Variants in PCDH9 observed in about 807,000 individuals in gnomAD.
PCDH9 encodes the protein protocadherin-9.
In PCDH9, 24 loss-of-function variants were observed where a neutral mutation model predicts 70.6. The observed-to-expected ratio is 0.34, with a 90% CI of 0.25 to 0.48. The LOEUF (loss-of-function observed/expected upper bound fraction) is 0.48. Among genes scored for constraint, PCDH9 ranks in the 20% least tolerant of loss-of-function variants. The probability of loss-of-function intolerance (pLI) is 0.99; values close to 1 mark genes in which losing one functional copy is unlikely to be tolerated. For synonymous variants in PCDH9, 562 were observed against 558.5 expected (o/e 1.01, Z -0.09); for missense variants, 1,281 against 1,503.6 (o/e 0.85, Z 2.45).
intron 3 of PCDH9, among the ~76,000 whole-genome samples, chr13:66,712,766 A>T (rs987820961): frequency 6.6e-6 from 1 of 152,142 alleles, no homozygotes; most frequent in Admixed American, 6.5e-5. Context: ...TTTCTAGTAC[A>T]TTATAACAAT....
At chr13:67,098,535 T>C (rs976001017) in intron 2 of PCDH9, among the ~76,000 whole-genome samples, 1 of 152,162 alleles carries the variant, frequency 6.6e-6, no homozygotes, top group Non-Finnish European at 1.5e-5. Context: ...TTAAGTTCTT[T>C]AGCTAAATCC....
At chr13:66,374,313 T>C (rs73205666) in intron 4 of PCDH9, among the ~76,000 whole-genome samples, 25 of 152,024 alleles carry the variant, frequency 1.6e-4, no homozygotes, top group Non-Finnish European at 3.4e-4. Flanking sequence ...GAGGAAGGAA[T>C]GGGAAGAGAA....
intron 4 of PCDH9, among the ~76,000 whole-genome samples, chr13:66,371,501 G>A (rs531933217): frequency 9.2e-5 from 14 of 152,134 alleles, no homozygotes; most frequent in African/African-American, 3.4e-4. Flanking sequence ...CTTTGTTGGA[G>A]GGGTATGTAT....
intron 2 of PCDH9, chr13:67,214,684 T>G (rs967552544): frequency 6.6e-5 from 10 of 151,926 alleles, no homozygotes; most frequent in African/African-American, 2.2e-4. Flanking sequence ...GAGATACTGT[T>G]ATGAAGATCA....
At chr13:66,608,525 C>T (rs993622865) in intron 4 of PCDH9, among the ~76,000 whole-genome samples, 1 of 151,944 alleles carries the variant, frequency 6.6e-6, no homozygotes, top group African/African-American at 2.4e-5. Flanking sequence ...GTTCCAGATG[C>T]TTGGAATAAG....
chr13:67,211,082 T>C (rs2089458584), intron 2 of PCDH9: 1 of 152,010 alleles, frequency 6.6e-6, no homozygotes, highest in Non-Finnish European at 1.5e-5. Flanking sequence ...AAACTGTTCA[T>C]ATTTTCATAG....
intron 2 of PCDH9, among the ~76,000 whole-genome samples, chr13:67,131,481 T>C (rs2087110090): frequency 6.6e-6 from 1 of 152,206 alleles, no homozygotes; most frequent in Non-Finnish European, 1.5e-5. Flanking sequence ...ATAGAAAATC[T>C]CCTAATTTTT....
intron 3 of PCDH9, among the ~76,000 whole-genome samples, chr13:66,656,431 C>T (rs2077930333): frequency 6.6e-6 from 1 of 152,092 alleles, no homozygotes; most frequent in African/African-American, 2.4e-5. Flanking sequence ...TCTTCTCATT[C>T]AGGTTACTCT....
chr13:66,473,531 C>T (rs1053549330), intron 4 of PCDH9, among the ~76,000 whole-genome samples: 1 of 151,958 alleles, frequency 6.6e-6, no homozygotes, highest in African/African-American at 2.4e-5. Flanking sequence ...AAAATTTTAT[C>T]AATAACTCCT....
chr13:67,143,810 GA>G (rs1415538482), intron 2 of PCDH9, among the ~76,000 whole-genome samples: 7 of 152,082 alleles, frequency 4.6e-5, no homozygotes, highest in Non-Finnish European at 1.0e-4. Context: ...GATTCCATTT[GA>G]AACTCTATGT....
chr13:66,576,117 G>A (rs1263845427), intron 4 of PCDH9, among the ~76,000 whole-genome samples: 5 of 150,780 alleles, frequency 3.3e-5, no homozygotes, highest in African/African-American at 1.2e-4. Context: ...TACAAAGCAG[G>A]TAGCCTTTAC....
chr13:67,228,403 A>G lies in PCDH9; in HGVS notation c.38T>C (p.Ile13Thr). 7 of 1,604,220 alleles carry G rather than the reference A, an allele frequency of 4.4e-6. No individual in the cohort carries two copies. The highest frequency in any genetic ancestry group is 3.4e-6 in the Non-Finnish European group (4 of 1,175,906). Reference sequence around the variant, plus strand: ...TGCGGAATCCAGCCTTAAACAGGCAATCAGAGCAGCCAACAGGTAAAAATC... The same window carrying G: ...TGCGGAATCCAGCCTTAAACAGGCAGTCAGAGCAGCCAACAGGTAAAAATC... ...LRDFYLLAAL[I>T]ACLRLDSAIA... The change falls in exon 2 of 5, where the codon ATT becomes ACT. Residue 13 changes from isoleucine (I) to threonine (T), a missense_variant. Ile to Thr is a moderately conservative substitution (Grantham distance 89, BLOSUM62 -1). Around this residue, in one of 4 missense-constraint regions of PCDH9, gnomAD observed 798 missense variants for 1,003.1 expected, o/e 0.80. Transcript: ENST00000377865.
At chr13:66,761,354 A>C (rs892306964) in intron 3 of PCDH9, among the ~76,000 whole-genome samples, 2 of 152,150 alleles carry the variant, frequency 1.3e-5, no homozygotes, top group Admixed American at 1.3e-4. Context: ...TGGCTCCCCC[A>C]ATAGTTGGAC....
chr13:66,749,101 T>C (rs2139221564), intron 3 of PCDH9, among the ~76,000 whole-genome samples: 1 of 152,330 alleles, frequency 6.6e-6, no homozygotes, highest in African/African-American at 2.4e-5. Context: ...TCCCCAGCCA[T>C]GTGGAACTGT....
At chr13:66,923,838 T>C (rs2082675814) in intron 2 of PCDH9, among the ~76,000 whole-genome samples, 1 of 151,762 alleles carries the variant, frequency 6.6e-6, no homozygotes, top group South Asian at 2.1e-4. Flanking sequence ...TTAATGCATC[T>C]CCACAATTAT....
intron 3 of PCDH9, among the ~76,000 whole-genome samples, chr13:66,657,095 G>C (rs2077941593): frequency 6.6e-6 from 1 of 152,176 alleles, no homozygotes. Context: ...ATCTATGTTA[G>C]AATTCATTAG....
intron 2 of PCDH9, among the ~76,000 whole-genome samples, chr13:67,138,568 C>G (rs886659396): frequency 1.3e-5 from 2 of 152,204 alleles, no homozygotes; most frequent in Admixed American, 1.3e-4. Flanking sequence ...TTCATCCTCT[C>G]CATTTACATA....
chr13:66,450,002 T>A (rs1958173135), intron 4 of PCDH9, among the ~76,000 whole-genome samples: 1 of 152,168 alleles, frequency 6.6e-6, no homozygotes, highest in Non-Finnish European at 1.5e-5. Context: ...TTGGAAAATG[T>A]CATTATAAAA....
chr13:66,740,120 C>A (rs879465697), intron 3 of PCDH9, among the ~76,000 whole-genome samples: 1,490 of 146,812 alleles, frequency 0.01, 9 homozygotes, highest in Non-Finnish European at 0.013. Flanking sequence ...TGTAAAAGAA[C>A]AGAAATTATA....
Sources: gnomAD v4.1 joint callset for allele counts (sites outside exome capture counted in the v4.1 genomes callset) on GRCh38, gnomAD v4.1.1 for gene constraint, gnomAD v4.1.1 regional missense constraint, MANE v1.5 for transcripts, NCBI Gene and HGNC (gene_info 2026-07-23, HGNC 2026-07-21) for gene names.